The following KAZN variants were observed in gnomAD, a reference collection of about 807,000 sequenced individuals.
KAZN encodes the protein kazrin, periplakin interacting protein.
Under a neutral mutation model 87.4 loss-of-function variants are expected in KAZN, and 40 were observed. The ratio of observed to expected loss-of-function variants is 0.46; its 90% CI spans 0.36 to 0.60. The LOEUF (loss-of-function observed/expected upper bound fraction) is 0.60. Ranked by LOEUF, KAZN falls within the 20% of genes least tolerant of loss-of-function variation. The pLI is 0.00. For missense variants in KAZN, 898 were observed against 1,073.9 expected (o/e 0.84, Z 2.29); for synonymous variants, 466 against 458.3 (o/e 1.02, Z -0.22).
chr1:14,973,379 G>T (rs368994989), intron 2 of KAZN, among the ~76,000 whole-genome samples: 1 of 152,154 alleles, frequency 6.6e-6, no homozygotes, highest in Non-Finnish European at 1.5e-5. Context: ...GTACTTCTGC[G>T]CAGAGGGGTA....
intron 1 of KAZN, among the ~76,000 whole-genome samples, chr1:14,960,452 C>T (rs991822295): frequency 1.3e-5 from 2 of 152,114 alleles, no homozygotes; most frequent in Admixed American, 6.5e-5. Context: ...GTGGAGTCCT[C>T]GGGAGTCGTG....
chr1:14,500,752 T>C (rs1346973476), intron 2 of KAZN, among the ~76,000 whole-genome samples: 1 of 151,994 alleles, frequency 6.6e-6, no homozygotes, highest in Admixed American at 6.6e-5. Context: ...AAAGTAGACA[T>C]TACTACCTAC....
chr1:14,624,641 C>T (rs1372983788), intron 1 of KAZN, among the ~76,000 whole-genome samples: 1 of 152,126 alleles, frequency 6.6e-6, no homozygotes, highest in Non-Finnish European at 1.5e-5. Flanking sequence ...GCATGGCCCA[C>T]ACTGTGCCTT....
chr1:14,393,814 G>A (rs185036787), intron 2 of KAZN, among the ~76,000 whole-genome samples: 9 of 137,142 alleles, frequency 6.6e-5, no homozygotes, highest in Admixed American at 3.4e-4. Flanking sequence ...CCACACTCCC[G>A]CCTGAGTGAC....
chr1:14,878,054 C>T (rs1652958480), intron 1 of KAZN, among the ~76,000 whole-genome samples: 1 of 152,052 alleles, frequency 6.6e-6, no homozygotes. Flanking sequence ...AGACCAAGAA[C>T]CTGCAGACAT....
chr1:14,431,717 T>G (rs1304405376), intron 2 of KAZN, among the ~76,000 whole-genome samples: 2 of 152,184 alleles, frequency 1.3e-5, no homozygotes, highest in Admixed American at 6.5e-5. Flanking sequence ...CTTCTGCTCC[T>G]GCTGCCCTTG....
intron 1 of KAZN, among the ~76,000 whole-genome samples, chr1:13,912,724 C>T (rs1414115300): frequency 2.0e-5 from 3 of 152,136 alleles, no homozygotes; most frequent in African/African-American, 7.2e-5. Context: ...CCACCTCAGC[C>T]TCCCCAGTAG....
At chr1:14,766,568 G>A (rs920388783) in intron 1 of KAZN, among the ~76,000 whole-genome samples, 3 of 149,572 alleles carry the variant, frequency 2.0e-5, no homozygotes, top group Non-Finnish European at 3.0e-5. Context: ...GGATCACAGA[G>A]AGGGGCCTTG....
At chr1:14,373,606 A>AT (rs753480827) in intron 2 of KAZN, among the ~76,000 whole-genome samples, 4 of 152,212 alleles carry the variant, frequency 2.6e-5, no homozygotes, top group Non-Finnish European at 4.4e-5. Context: ...GTTTAACCAG[A>AT]TGTCCAGGCA....
chr1:14,725,370 CTGT>C (rs951150810), intron 1 of KAZN, among the ~76,000 whole-genome samples: 5 of 152,174 alleles, frequency 3.3e-5, no homozygotes, highest in Admixed American at 1.3e-4. Flanking sequence ...ACATTTACCA[CTGT>C]TGTCATCTGA....
intron 1 of KAZN, among the ~76,000 whole-genome samples, chr1:14,899,473 G>A (rs1027175201): frequency 3.3e-5 from 5 of 152,146 alleles, no homozygotes; most frequent in Admixed American, 6.5e-5. Flanking sequence ...TTCCAGATGC[G>A]AAATTTAGGA....
intron 1 of KAZN, among the ~76,000 whole-genome samples, chr1:14,808,478 A>G (rs1188247222): frequency 6.8e-6 from 1 of 146,738 alleles, no homozygotes; most frequent in Non-Finnish European, 1.5e-5. Flanking sequence ...TTTTTTTTTT[A>G]GTAGAGACGG....
chr1:14,560,888 C>T (rs892785731), intron 2 of KAZN, among the ~76,000 whole-genome samples: 6 of 152,212 alleles, frequency 3.9e-5, no homozygotes, highest in African/African-American at 1.4e-4. Flanking sequence ...GCCTTACATC[C>T]GAAATGGCAA....
intron 2 of KAZN, among the ~76,000 whole-genome samples, chr1:14,264,186 G>A (rs1651299292): frequency 6.6e-6 from 1 of 152,124 alleles, no homozygotes; most frequent in African/African-American, 2.4e-5. Context: ...CTTTCTGCAG[G>A]TTCTAAACCT....
At chr1:14,777,060 G>A (rs1241631176) in intron 1 of KAZN, among the ~76,000 whole-genome samples, 2 of 152,164 alleles carry the variant, frequency 1.3e-5, no homozygotes, top group Admixed American at 1.3e-4. Context: ...GAGTGCAGCA[G>A]CGCAATCTCG....
intron 2 of KAZN, among the ~76,000 whole-genome samples, chr1:14,422,687 G>T (rs1016462999): frequency 1.3e-5 from 2 of 152,192 alleles, no homozygotes; most frequent in African/African-American, 4.8e-5. Context: ...GCATCCAGAA[G>T]ATATTAAATA....
intron 1 of KAZN, among the ~76,000 whole-genome samples, chr1:14,030,422 G>A (rs1217225041): frequency 1.5e-5 from 2 of 129,282 alleles, no homozygotes; most frequent in Admixed American, 8.3e-5. Flanking sequence ...ACACTCTGGG[G>A]ACTGTGGTGG....
intron 2 of KAZN, among the ~76,000 whole-genome samples, chr1:14,246,620 C>T (rs1326769823): frequency 6.6e-6 from 1 of 152,168 alleles, no homozygotes; most frequent in African/African-American, 2.4e-5. Flanking sequence ...ACATTTCCAA[C>T]ACCCCGATTG....
At chr1:14,589,672 C>T (rs1041014293) in intron 2 of KAZN, among the ~76,000 whole-genome samples, 1 of 152,176 alleles carries the variant, frequency 6.6e-6, no homozygotes, top group Admixed American at 6.5e-5. Context: ...AGATGGTGCA[C>T]CTTGTCAGAT....
Sources: allele counts gnomAD v4.1 joint callset (sites outside exome capture counted in the v4.1 genomes callset), GRCh38; gene constraint gnomAD v4.1.1; transcripts MANE v1.5; gene names NCBI Gene and HGNC (gene_info 2026-07-23, HGNC 2026-07-21).